INPP4B: variants seen among roughly 807,000 people sequenced by gnomAD.
The protein encoded by INPP4B is inositol polyphosphate-4-phosphatase type II B, also known as inositol polyphosphate 4-phosphatase type II.
Under a neutral mutation model 122.5 loss-of-function variants are expected in INPP4B, and 55 were observed. The observed-to-expected ratio is 0.45, with a 90% CI of 0.36 to 0.56. The LOEUF (loss-of-function observed/expected upper bound fraction) is 0.56, where lower values mean the gene tolerates loss of function less well. Among genes scored for constraint, INPP4B ranks in the 20% least tolerant of loss-of-function variants. The pLI is 0.00. For synonymous variants in INPP4B, 403 were observed against 388.7 expected, an observed-to-expected ratio of 1.04 and a Z score of -0.43; for missense variants, 1,000 against 1,097.7, an observed-to-expected ratio of 0.91 and a Z score of 1.26.
At chr4:142,696,951 T>C (rs1016393407) in intron 2 of INPP4B, among the ~76,000 whole-genome samples, 4 of 152,188 alleles carry the variant, frequency 2.6e-5, no homozygotes, top group African/African-American at 9.7e-5. Context: ...CACTCCACTG[T>C]ATGTGTTTAT....
At chr4:142,536,998 T>C (rs927040364) in intron 2 of INPP4B, among the ~76,000 whole-genome samples, 1 of 152,010 alleles carries the variant, frequency 6.6e-6, no homozygotes, top group Non-Finnish European at 1.5e-5. Context: ...GGTTTCACCA[T>C]GTTGGCCAGG....
At chr4:142,696,162 G>C (rs1238456074) in intron 2 of INPP4B, among the ~76,000 whole-genome samples, 7 of 152,080 alleles carry the variant, frequency 4.6e-5, no homozygotes, top group African/African-American at 1.7e-4. Context: ...AATGACACCA[G>C]CATATTCGAT....
intron 8 of INPP4B, 72 bp downstream of exon 8, chr4:142,314,640 A>G: frequency 7.3e-7 from 1 of 1,374,880 alleles, no homozygotes; most frequent in African/African-American, 1.5e-5. Context: ...ACCAAGCAGG[A>G]GGCCAGAGAA....
chr4:142,509,761 C>T (rs1407724660), intron 2 of INPP4B, among the ~76,000 whole-genome samples: 5 of 152,164 alleles, frequency 3.3e-5, no homozygotes, highest in African/African-American at 1.2e-4. Flanking sequence ...TTATTTAACT[C>T]TCAGGCTCAG....
intron 25 of INPP4B, among the ~76,000 whole-genome samples, chr4:142,074,186 A>G (rs1769196724): frequency 1.3e-5 from 2 of 152,146 alleles, no homozygotes; most frequent in African/African-American, 4.8e-5. Context: ...CTTAAACACA[A>G]CAGGCCAGTG....
chr4:142,045,099 G>A (rs1326607551), intron 25 of INPP4B, among the ~76,000 whole-genome samples: 1 of 152,110 alleles, frequency 6.6e-6, no homozygotes, highest in African/African-American at 2.4e-5. Context: ...GTGCTGCTAA[G>A]TGTGTTTGAA....
At chr4:142,744,843 A>G (rs1328479258) in intron 1 of INPP4B, among the ~76,000 whole-genome samples, 3 of 151,862 alleles carry the variant, frequency 2.0e-5, no homozygotes, top group Non-Finnish European at 4.4e-5. Flanking sequence ...AAATAGACAT[A>G]AATATAAGAT....
At chr4:142,720,790 T>G in intron 2 of INPP4B, among the ~76,000 whole-genome samples, 1 of 50,764 alleles carries the variant, frequency 2.0e-5, no homozygotes, top group African/African-American at 5.7e-5. Context: ...TCTCTCTCTC[T>G]CTCTCTCTCT....
chr4:142,631,960 TTAC>T (rs531049766), intron 2 of INPP4B, among the ~76,000 whole-genome samples: 160 of 152,246 alleles, frequency 1.1e-3, no homozygotes, highest in African/African-American at 3.6e-3. Flanking sequence ...CTCCACACTG[TTAC>T]TTCCCAGACC....
At chr4:142,237,006 G>C (rs1856948445) in intron 12 of INPP4B, among the ~76,000 whole-genome samples, 1 of 152,038 alleles carries the variant, frequency 6.6e-6, no homozygotes, top group Non-Finnish European at 1.5e-5. Flanking sequence ...GCTATTACAG[G>C]TTTGTTTAAA....
At chr4:142,668,448 AG>A (rs1315651963) in intron 2 of INPP4B, among the ~76,000 whole-genome samples, 2 of 152,222 alleles carry the variant, frequency 1.3e-5, no homozygotes, top group Non-Finnish European at 2.9e-5. Flanking sequence ...TAACAAGAGA[AG>A]GATGCTCATA....
intron 12 of INPP4B, among the ~76,000 whole-genome samples, chr4:142,231,449 T>C (rs1854331166): frequency 6.6e-6 from 1 of 152,252 alleles, no homozygotes; most frequent in Non-Finnish European, 1.5e-5. Context: ...GTTAATAATA[T>C]ACTTTAATGT....
At chr4:142,785,507 G>A (rs529730493) in intron 1 of INPP4B, among the ~76,000 whole-genome samples, 1 of 151,950 alleles carries the variant, frequency 6.6e-6, no homozygotes, top group Non-Finnish European at 1.5e-5. Context: ...AAAAGAACAT[G>A]CTGGAAATCA....
chr4:142,046,526 G>T (rs985085087), intron 25 of INPP4B, among the ~76,000 whole-genome samples: 1 of 151,996 alleles, frequency 6.6e-6, no homozygotes, highest in African/African-American at 2.4e-5. Context: ...AGAACAGCAT[G>T]AACAAAGGTA....
chr4:142,157,055 A>C (rs925106977), intron 17 of INPP4B, among the ~76,000 whole-genome samples: 3 of 152,168 alleles, frequency 2.0e-5, no homozygotes, highest in Non-Finnish European at 4.4e-5. Context: ...AATTAATTTA[A>C]AATGCTGAGT....
chr4:142,499,308 T>A (rs536457349), intron 2 of INPP4B, among the ~76,000 whole-genome samples: 1 of 152,208 alleles, frequency 6.6e-6, no homozygotes, highest in Non-Finnish European at 1.5e-5. Context: ...AATATGTAAT[T>A]AAGGCCTCAA....
intron 1 of INPP4B, among the ~76,000 whole-genome samples, chr4:142,813,892 A>T (rs940417253): frequency 6.6e-6 from 1 of 152,166 alleles, no homozygotes; most frequent in Non-Finnish European, 1.5e-5. Flanking sequence ...ACTGCTTTAA[A>T]AGTCATGATA....
At chr4:142,600,082 G>A (rs184596874) in intron 2 of INPP4B, among the ~76,000 whole-genome samples, 15 of 151,988 alleles carry the variant, frequency 9.9e-5, no homozygotes, top group Admixed American at 8.5e-4. Context: ...AGAGAGAAGG[G>A]TTCAAAAAAC....
At chr4:142,538,190 CCTT>C (rs1448794164) in intron 2 of INPP4B, among the ~76,000 whole-genome samples, 1 of 152,054 alleles carries the variant, frequency 6.6e-6, no homozygotes, top group Non-Finnish European at 1.5e-5. Context: ...TTCCCATACT[CCTT>C]CTTTGTAAGC....
Sources: allele counts gnomAD v4.1 joint callset (sites outside exome capture counted in the v4.1 genomes callset), GRCh38; gene constraint gnomAD v4.1.1; transcripts MANE v1.5; gene names NCBI Gene and HGNC (gene_info 2026-07-23, HGNC 2026-07-21).